The following IFNAR1 variants were observed in gnomAD, a reference collection of about 807,000 sequenced individuals.
IFNAR1 encodes the protein interferon alpha and beta receptor subunit 1, also known as interferon alpha/beta receptor 1.
IFNAR1 carries 47 observed loss-of-function variants against 62.1 expected under a neutral mutation model. That is an observed-to-expected ratio of 0.76 (90% CI 0.60 to 0.97). The LOEUF is 0.97. Ranked by LOEUF, IFNAR1 falls within the 50% of genes least tolerant of loss-of-function variation. The pLI, the probability that IFNAR1 is intolerant of heterozygous loss-of-function variation, is 0.00. For synonymous variants in IFNAR1, 219 were observed against 226.9 expected (o/e 0.97, Z 0.31); for missense variants, 638 against 654.5 (o/e 0.97, Z 0.27).
intron 6 of IFNAR1, 107 bp from the exon 7 acceptor site, chr21:33,348,984 A>G (rs1303597930): frequency 6.1e-6 from 4 of 658,744 alleles, no homozygotes; most frequent in Non-Finnish European, 1.0e-5. Context: ...GAGTTTCCTG[A>G]GTGTGGATAC....
rs746934323 is a variant in IFNAR1, at chr21:33,343,256, A to AT, written c.377-5dup. The AT allele has an allele frequency of 4.4e-6, 7 of 1,606,274 alleles. No homozygotes were observed. The South Asian group carries it at 6.7e-5, about 15-fold the overall frequency. On this transcript the variant is annotated splice_polypyrimidine_tract_variant and intron_variant, in intron 3 of 10. Transcript: ENST00000270139. ...ATAAAGTTCCATAGTAATTGTTTTG[A>AT]TTTTTTTGCAGCTCAGATTGGTCCT...
At position 33,336,465 on chromosome 21, in the gene IFNAR1, T is replaced by G. The variant is rs559381116; in HGVS notation, c.200+818T>G. The stretch of plus-strand genomic sequence containing the variant: ...GTAATGGGATGGCTGGGTCAAATGG[T>G]ATTTCTAGTTCTAGATCCCTGAGGA... On this transcript the variant is annotated intron_variant, in intron 2 of 10. Transcript: ENST00000270139. 2.0e-5 allele frequency among the ~76,000 whole-genome samples: 3 copies of G among 148,440 alleles called. No homozygotes were observed. In the South Asian group the frequency reaches 6.6e-4, roughly 33 times the overall value.
chr21:33,338,730 ATAGT>A (rs1199788093), intron 2 of IFNAR1, among the ~76,000 whole-genome samples: 1 of 151,558 alleles, frequency 6.6e-6, no homozygotes, highest in Non-Finnish European at 1.5e-5. Flanking sequence ...GCATATGATA[ATAGT>A]TTTTTTGTTG....
At position 33,349,245 on chromosome 21, in the gene IFNAR1, A is replaced by T. The variant is rs1454461302; in HGVS notation, c.943A>T (p.Thr315Ser). ...LRVQASDGNN[T>S]SFWSEEIKFD... ...CGTACAAGCATCTGATGGAAATAAC[A>T]CATCTTTTTGGTCTGAAGAGATAAA... The change falls in exon 7 of 11, where the codon ACA (threonine) becomes TCA (serine). Residue 315 changes from threonine to serine, a missense_variant. By Grantham distance (58) the Thr-to-Ser change is moderately conservative. Coordinates refer to ENST00000270139, the MANE Select transcript of IFNAR1 (RefSeq NM_000629.3). 6.2e-7 allele frequency: 1 copy of T among 1,613,076 alleles called. No homozygotes were observed. Among genetic ancestry groups the T allele is most frequent in the East Asian group, 2.2e-5 (1 of 44,844 alleles).
intron 9 of IFNAR1, 75 bp from the exon 10 acceptor site, chr21:33,353,562 CT>C (rs2083418050): frequency 1.3e-6 from 1 of 771,840 alleles, no homozygotes; most frequent in African/African-American, 1.8e-5. Flanking sequence ...TATGGCTAGT[CT>C]TTCACACAGC....
chr21:33,337,378 A>T (rs2083248169), intron 2 of IFNAR1, among the ~76,000 whole-genome samples: 1 of 152,102 alleles, frequency 6.6e-6, no homozygotes. Context: ...ATAGAAGGGA[A>T]CACAGATCAG....
chr21:33,346,654 C>T (rs1312972168), intron 6 of IFNAR1, among the ~76,000 whole-genome samples: 2 of 152,198 alleles, frequency 1.3e-5, no homozygotes, highest in Non-Finnish European at 2.9e-5. Flanking sequence ...TCAGCAGAAT[C>T]AAACGTGGTT....
intron 2 of IFNAR1, among the ~76,000 whole-genome samples, chr21:33,336,319 A>G (rs890296199): frequency 4.7e-5 from 6 of 128,280 alleles, no homozygotes; most frequent in Non-Finnish European, 9.7e-5. Context: ...AATCCAGTCT[A>G]TCATTGTTGG....
At chr21:33,334,560 C>T in intron 1 of IFNAR1, 1 of 527,380 alleles carries the variant, frequency 1.9e-6, no homozygotes, top group South Asian at 1.7e-5. Flanking sequence ...TAGAACTGCC[C>T]TGCGAGAAAT....
rs1248627860 is a variant in IFNAR1, at chr21:33,356,501, T to C, written c.*952T>C. The C allele has an allele frequency of 6.6e-6, 1 of 152,222 alleles. No homozygotes were observed. Among genetic ancestry groups the C allele is most frequent in the Non-Finnish European group, 1.5e-5 (1 of 68,034 alleles). The allele number at this position is 152,222 out of a possible 1,614,324, so 9.4% of individuals were successfully genotyped here. ...GAGAACATTGGCTTCCACATCACAG[T>C]ATCTACCCTTACATGGTTTAGGATT... On this transcript the variant is annotated 3_prime_UTR_variant, in exon 11 of 11. Coordinates refer to ENST00000270139, the MANE Select transcript of IFNAR1 (RefSeq NM_000629.3).
chr21:33,348,368 A>G (rs939757041), intron 6 of IFNAR1, among the ~76,000 whole-genome samples: 19 of 152,236 alleles, frequency 1.2e-4, no homozygotes, highest in African/African-American at 4.1e-4. Context: ...ACATATGCAC[A>G]GTAGCACACC....
In IFNAR1 at chr21:33,359,734, C is replaced by T. The variant is rs539267915; in HGVS notation, c.*4185C>T. ...ATACAATTTGTATTCAGGCTGGGAACCTGAACACACACTTGTGTTTTTAAG... is the reference window on the plus strand; with the variant it reads ...ATACAATTTGTATTCAGGCTGGGAATCTGAACACACACTTGTGTTTTTAAG... On this transcript the variant is annotated 3_prime_UTR_variant, in exon 11 of 11. Coordinates refer to ENST00000270139, the MANE Select transcript of IFNAR1 (RefSeq NM_000629.3). The T allele has an allele frequency of 7.9e-5, 12 of 152,288 alleles. No homozygotes were observed. Among genetic ancestry groups the T allele is most frequent in the African/African-American group, 2.6e-4 (11 of 41,550 alleles). The allele number at this position is 152,288 out of a possible 1,614,324, so 9.4% of individuals were successfully genotyped here.
intron 4 of IFNAR1, 54 bp from the exon 5 acceptor site, chr21:33,343,481 C>A: frequency 6.4e-7 from 1 of 1,559,062 alleles, no homozygotes; most frequent in South Asian, 1.1e-5. Flanking sequence ...GCGAATTAAT[C>A]CTAAAATTTG....
At chr21:33,343,142 C>T (rs949159065) in intron 3 of IFNAR1, 126 bp from the exon 4 acceptor site, 10 of 707,248 alleles carry the variant, frequency 1.4e-5, no homozygotes, top group Non-Finnish European at 2.4e-5. Flanking sequence ...GCTTTCTATC[C>T]TATCTGTATG....
upstream of IFNAR1, chr21:33,324,892 G>GGTGCGTGTGTGTGTGTGT: frequency 3.5e-6 from 2 of 571,056 alleles, no homozygotes; most frequent in Admixed American, 2.9e-5. Flanking sequence ...GCGGAGGGGC[G>GGTGCGTGTGTGTGTGTGT]GTGTGTGTGT....
chr21:33,332,458 C>A (rs1216377190), intron 1 of IFNAR1, among the ~76,000 whole-genome samples: 1 of 152,036 alleles, frequency 6.6e-6, no homozygotes, highest in African/African-American at 2.4e-5. Context: ...CACAAAGACA[C>A]AAAAACATGA....
intron 2 of IFNAR1, among the ~76,000 whole-genome samples, chr21:33,339,037 C>T (rs749789124): frequency 3.9e-5 from 6 of 151,948 alleles, no homozygotes; most frequent in South Asian, 2.1e-4. Flanking sequence ...CCACCGAGCC[C>T]GGCCAATAAT....
At chr21:33,344,124 C>T (rs897648226) in intron 5 of IFNAR1, among the ~76,000 whole-genome samples, 3 of 151,480 alleles carry the variant, frequency 2.0e-5, no homozygotes, top group African/African-American at 4.9e-5. Context: ...GCACTCCAGT[C>T]GGGAGCAAGG....
intron 1 of IFNAR1, among the ~76,000 whole-genome samples, chr21:33,327,072 T>C (rs1287904041): frequency 6.6e-6 from 1 of 152,170 alleles, no homozygotes; most frequent in Admixed American, 6.5e-5. Context: ...GTACATGATA[T>C]CCTATTTCTC....
Sources: gnomAD v4.1 joint callset for allele counts (sites outside exome capture counted in the v4.1 genomes callset) on GRCh38, gnomAD v4.1.1 for gene constraint, MANE v1.5 for transcripts, NCBI Gene and HGNC (gene_info 2026-07-23, HGNC 2026-07-21) for gene names.